Variants in PCDH9 observed in about 807,000 individuals in gnomAD.
PCDH9 encodes protocadherin-9.
PCDH9 carries 24 observed loss-of-function variants against 70.6 expected under a neutral mutation model. The observed-to-expected ratio is 0.34, with a 90% confidence interval of 0.25 to 0.48. The LOEUF (loss-of-function observed/expected upper bound fraction) is 0.48. Ranked by LOEUF, PCDH9 falls within the 20% of genes least tolerant of loss-of-function variation. The pLI, the probability that PCDH9 is intolerant of heterozygous loss-of-function variation, is 0.99. For missense variants in PCDH9, 1,281 were observed against 1,503.6 expected, an observed-to-expected ratio of 0.85 and a Z score of 2.45; for synonymous variants, 562 against 558.5, an observed-to-expected ratio of 1.01 and a Z score of -0.09.
intron 2 of PCDH9, chr13:67,213,959 C>G (rs1468557367): frequency 6.6e-6 from 1 of 152,150 alleles, no homozygotes; most frequent in Non-Finnish European, 1.5e-5. Flanking sequence ...GAACTAGTAA[C>G]AAATCTCCAC....
chr13:66,911,186 GGT>G (rs2082459456), intron 2 of PCDH9, among the ~76,000 whole-genome samples: 1 of 152,136 alleles, frequency 6.6e-6, no homozygotes, highest in African/African-American at 2.4e-5. Context: ...TTATTCAGCA[GGT>G]TCCTTCTAAA....
chr13:66,889,199 G>A (rs1047108550), intron 3 of PCDH9, among the ~76,000 whole-genome samples: 1 of 152,184 alleles, frequency 6.6e-6, no homozygotes, highest in Admixed American at 6.5e-5. Context: ...GAGGTTTATT[G>A]AGAAAGTCCT....
At chr13:67,018,184 C>T (rs155008) in intron 2 of PCDH9, among the ~76,000 whole-genome samples, 147,214 of 152,298 alleles carry the variant, frequency 0.97, 71,348 homozygotes, top group East Asian at 1. Context: ...GTGAATTATA[C>T]TGGAGATATG....
chr13:66,673,806 A>G (rs947680675), intron 3 of PCDH9, among the ~76,000 whole-genome samples: 3 of 152,210 alleles, frequency 2.0e-5, no homozygotes, highest in Admixed American at 1.3e-4. Context: ...TATTGGCACA[A>G]TTAAGTGACT....
chr13:67,022,693 T>C (rs1405040708), intron 2 of PCDH9, among the ~76,000 whole-genome samples: 1 of 152,150 alleles, frequency 6.6e-6, no homozygotes, highest in Non-Finnish European at 1.5e-5. Flanking sequence ...TTAATAAAGA[T>C]GAATCTTTCT....
chr13:67,105,952 AG>A (rs2086532384), intron 2 of PCDH9, among the ~76,000 whole-genome samples: 1 of 151,528 alleles, frequency 6.6e-6, no homozygotes, highest in Admixed American at 6.6e-5. Flanking sequence ...TCTATATATT[AG>A]TTTATAGTGT....
At chr13:66,640,156 T>C (rs2077689192) in intron 3 of PCDH9, among the ~76,000 whole-genome samples, 1 of 152,192 alleles carries the variant, frequency 6.6e-6, no homozygotes, top group Non-Finnish European at 1.5e-5. Context: ...TAGATAAATA[T>C]ATAGACATCA....
intron 3 of PCDH9, among the ~76,000 whole-genome samples, chr13:66,772,041 TG>T (rs1448212086): frequency 1.3e-5 from 2 of 152,208 alleles, no homozygotes; most frequent in African/African-American, 4.8e-5. Flanking sequence ...CACAAAAACA[TG>T]GAACAATTGG....
At chr13:66,877,081 T>TTAGA (rs71303722) in intron 3 of PCDH9, among the ~76,000 whole-genome samples, 2 of 151,166 alleles carry the variant, frequency 1.3e-5, no homozygotes, top group East Asian at 3.9e-4. Flanking sequence ...GATAGAAAAG[T>TTAGA]CAGTCTTTTA....
chr13:66,520,488 C>CA (rs1272183989), intron 4 of PCDH9, among the ~76,000 whole-genome samples: 1 of 152,196 alleles, frequency 6.6e-6, no homozygotes, highest in Non-Finnish European at 1.5e-5. Flanking sequence ...GATCATCTTT[C>CA]AGGTTCAAAG....
chr13:66,463,940 G>C (rs180791271), intron 4 of PCDH9, among the ~76,000 whole-genome samples: 322 of 151,500 alleles, frequency 2.1e-3, no homozygotes, highest in Non-Finnish European at 3.6e-3. Flanking sequence ...GGGGAAAAAA[G>C]AACAAAACAA....
At chr13:66,934,360 C>T (rs1180606983) in intron 2 of PCDH9, among the ~76,000 whole-genome samples, 1 of 151,598 alleles carries the variant, frequency 6.6e-6, no homozygotes, top group African/African-American at 2.4e-5. Context: ...GGTGAAACCC[C>T]GAAACCCCGT....
intron 3 of PCDH9, among the ~76,000 whole-genome samples, chr13:66,741,943 A>G (rs1156427190): frequency 6.7e-6 from 1 of 150,280 alleles, no homozygotes; most frequent in Non-Finnish European, 1.5e-5. Context: ...AGTCAATGCC[A>G]TCCCCATCAA....
chr13:66,877,825 C>A (rs2081845576), intron 3 of PCDH9, among the ~76,000 whole-genome samples: 2 of 152,210 alleles, frequency 1.3e-5, no homozygotes, highest in Admixed American at 6.5e-5. Context: ...AGTTAAAATA[C>A]CTTATCTGGC....
chr13:66,629,731 T>C (rs868137402), intron 4 of PCDH9, among the ~76,000 whole-genome samples: 17 of 152,226 alleles, frequency 1.1e-4, no homozygotes, highest in African/African-American at 3.6e-4. Context: ...TCCTGAAAGA[T>C]TGCCTTGAGT....
intron 2 of PCDH9, chr13:67,204,601 T>G (rs1322244140): frequency 1.3e-5 from 2 of 152,200 alleles, no homozygotes; most frequent in Non-Finnish European, 2.9e-5. Context: ...ACTATTTAAT[T>G]TGGCTCTTGT....
chr13:66,344,760 C>T (rs532813277), intron 4 of PCDH9, among the ~76,000 whole-genome samples: 1 of 152,178 alleles, frequency 6.6e-6, no homozygotes, highest in South Asian at 2.1e-4. Context: ...TGTTGTAGGC[C>T]TGCTGCTGCT....
At chr13:66,520,833 G>C (rs1374293993) in intron 4 of PCDH9, among the ~76,000 whole-genome samples, 2 of 152,086 alleles carry the variant, frequency 1.3e-5, no homozygotes, top group Non-Finnish European at 2.9e-5. Flanking sequence ...GTGACATCAG[G>C]AAACCCTTGT....
At chr13:66,526,380 G>A (rs987591256) in intron 4 of PCDH9, among the ~76,000 whole-genome samples, 1 of 152,082 alleles carries the variant, frequency 6.6e-6, no homozygotes, top group Non-Finnish European at 1.5e-5. Flanking sequence ...CATTTTGTCA[G>A]AATGAAGACT....
Sources: gnomAD v4.1 joint callset for allele counts (sites outside exome capture counted in the v4.1 genomes callset) on GRCh38, gnomAD v4.1.1 for gene constraint, MANE v1.5 for transcripts, NCBI Gene and HGNC (gene_info 2026-07-23, HGNC 2026-07-21) for gene names.